The following BACE2 variants were observed in gnomAD, a reference collection of about 807,000 sequenced individuals.
BACE2 encodes 56 kDa aspartic-like protease.
In BACE2, 17 loss-of-function variants were observed where a neutral mutation model predicts 46.2. That is an observed-to-expected ratio of 0.37 (90% CI 0.25 to 0.55). The LOEUF (loss-of-function observed/expected upper bound fraction) is 0.55. Among genes scored for constraint, BACE2 ranks in the 20% least tolerant of loss-of-function variants. BACE2 has a pLI of 0.82. For missense variants in BACE2, 595 were observed against 698.1 expected, an observed-to-expected ratio of 0.85 and a Z score of 1.66; for synonymous variants, 277 against 295.9, an observed-to-expected ratio of 0.94 and a Z score of 0.66.
chr21:41,230,047 T>C (rs1433443288), intron 2 of BACE2: 1 of 152,252 alleles, frequency 6.6e-6, no homozygotes, highest in Non-Finnish European at 1.5e-5. Context: ...TCAAATTCAG[T>C]GTACCTTCCT....
chr21:41,214,495 C>T lies in BACE2; in HGVS notation c.313-11771C>T, dbSNP rs578051775. On this transcript the variant is annotated intron_variant, in intron 1 of 8. Transcript: ENST00000330333. ...CAAGGAAGTCTATGCCAAAGACGAACAGTTTTCATCGTGGGGGCATAGAAT... is the reference window on the plus strand; with the variant it reads ...CAAGGAAGTCTATGCCAAAGACGAATAGTTTTCATCGTGGGGGCATAGAAT... Among the ~76,000 whole-genome samples, 9 of 152,302 alleles carry T rather than the reference C, an allele frequency of 5.9e-5. No individual in the cohort carries two copies. The East Asian group carries it at 1.5e-3, about 26-fold the overall frequency.
At position 41,232,020 on chromosome 21, in the gene BACE2, C is replaced by CT. The variant is rs34868132; in HGVS notation, c.402-5476dup. On this transcript the variant is annotated intron_variant, in intron 2 of 8. Coordinates refer to ENST00000330333, the MANE Select transcript of BACE2 (RefSeq NM_012105.5). ...AATATGAATATGAACTGAGAATTAC[C>CT]TTTTTTTTTTTTTTTTTAACATTAT... Among the ~76,000 whole-genome samples, 1,003 of 140,642 alleles carry CT rather than the reference C, an allele frequency of 7.1e-3. 9 individuals carry two copies. The highest frequency in any genetic ancestry group is 0.016 in the African/African-American group (627 of 38,884). 92.3% of individuals were successfully genotyped at this position (140,642 alleles called of 152,430 possible).
At chr21:41,196,919 T>A (rs1442161359) in intron 1 of BACE2, among the ~76,000 whole-genome samples, 1 of 152,170 alleles carries the variant, frequency 6.6e-6, no homozygotes, top group Admixed American at 6.5e-5. Context: ...GTGGCTTCGG[T>A]TTCCAGGATT....
At chr21:41,246,312 T>C (rs558370935) in intron 6 of BACE2, 1 of 226,340 alleles carries the variant, frequency 4.4e-6, no homozygotes, top group South Asian at 1.5e-4. Flanking sequence ...ACAGTCCCTT[T>C]CTTTGATGTT....
chr21:41,178,601 G>C (rs1156497174), intron 1 of BACE2: 1 of 155,216 alleles, frequency 6.4e-6, no homozygotes, highest in Non-Finnish European at 1.4e-5. Context: ...GCCAAGCTTG[G>C]TGGTGCATGC....
chr21:41,251,273 CAG>C (rs920006892), intron 7 of BACE2, among the ~76,000 whole-genome samples: 1 of 152,192 alleles, frequency 6.6e-6, no homozygotes, highest in Non-Finnish European at 1.5e-5. Flanking sequence ...AAGAACCACA[CAG>C]GGGCTCCTGA....
At chr21:41,269,358 A>T (rs2088412849) in intron 8 of BACE2, among the ~76,000 whole-genome samples, 1 of 152,100 alleles carries the variant, frequency 6.6e-6, no homozygotes, top group Non-Finnish European at 1.5e-5. Flanking sequence ...CTTTGTTGGG[A>T]TATAATTGGT....
intron 2 of BACE2, among the ~76,000 whole-genome samples, chr21:41,233,478 T>A (rs1245045871): frequency 6.6e-6 from 1 of 152,116 alleles, no homozygotes; most frequent in Non-Finnish European, 1.5e-5. Context: ...ATATCCAGAG[T>A]GCTCCCTCTG....
chr21:41,178,916 G>A, intron 1 of BACE2: 1 of 344,444 alleles, frequency 2.9e-6, no homozygotes, highest in Non-Finnish European at 5.4e-6. Context: ...GTGGGAAGGG[G>A]TATTGGTGAA....
At chr21:41,253,189 C>A (rs1987687953) in intron 7 of BACE2, among the ~76,000 whole-genome samples, 1 of 152,108 alleles carries the variant, frequency 6.6e-6, no homozygotes, top group Admixed American at 6.5e-5. Context: ...TGCCTGTAAT[C>A]CCAGCACTTT....
intron 1 of BACE2, among the ~76,000 whole-genome samples, chr21:41,203,624 C>T (rs1250275240): frequency 1.3e-5 from 2 of 152,102 alleles, no homozygotes; most frequent in African/African-American, 4.8e-5. Context: ...CCTCTGGGCC[C>T]AGAGACACCT....
intron 7 of BACE2, among the ~76,000 whole-genome samples, chr21:41,255,745 T>A (rs1395110500): frequency 7.9e-5 from 12 of 152,074 alleles, no homozygotes; most frequent in Admixed American, 1.3e-4. Flanking sequence ...ACTTTTTTTT[T>A]AATTCTCTTG....
intron 1 of BACE2, among the ~76,000 whole-genome samples, chr21:41,223,751 C>A (rs1033347452): frequency 2.0e-5 from 3 of 152,178 alleles, no homozygotes; most frequent in African/African-American, 7.2e-5. Flanking sequence ...ACATCTCAAC[C>A]CATAAAAGAT....
chr21:41,168,969 C>G (rs1256630115), intron 1 of BACE2, among the ~76,000 whole-genome samples: 1 of 146,788 alleles, frequency 6.8e-6, no homozygotes. Context: ...AAAATCACCT[C>G]GTGTTCATAC....
At chr21:41,226,694 G>A (rs1042865298) in intron 2 of BACE2, among the ~76,000 whole-genome samples, 4 of 152,206 alleles carry the variant, frequency 2.6e-5, no homozygotes, top group Non-Finnish European at 5.9e-5. Flanking sequence ...TGCAGTGGAG[G>A]TGGGCTGGAG....
intron 1 of BACE2, chr21:41,185,301 C>T (rs1985330679): frequency 6.6e-6 from 1 of 152,582 alleles, no homozygotes; most frequent in Non-Finnish European, 1.5e-5. Context: ...GGAGAGGGGG[C>T]TAAACAAATG....
At chr21:41,227,156 T>G (rs1272082016) in intron 2 of BACE2, among the ~76,000 whole-genome samples, 1 of 152,238 alleles carries the variant, frequency 6.6e-6, no homozygotes, top group Non-Finnish European at 1.5e-5. Context: ...GTCACAACTA[T>G]TTTTACGATT....
At chr21:41,198,316 C>G (rs1020463846) in intron 1 of BACE2, among the ~76,000 whole-genome samples, 1 of 152,090 alleles carries the variant, frequency 6.6e-6, no homozygotes, top group South Asian at 2.1e-4. Flanking sequence ...TTTTGATGGG[C>G]TAGTTTATCC....
At chr21:41,202,338 A>AG (rs1985990855) in intron 1 of BACE2, among the ~76,000 whole-genome samples, 1 of 152,166 alleles carries the variant, frequency 6.6e-6, no homozygotes, top group African/African-American at 2.4e-5. Flanking sequence ...GAGGATTTCG[A>AG]GGGGGTATGC....
Sources: allele counts gnomAD v4.1 joint callset (sites outside exome capture counted in the v4.1 genomes callset), GRCh38; gene constraint gnomAD v4.1.1; transcripts MANE v1.5; gene names NCBI Gene and HGNC (gene_info 2026-07-23, HGNC 2026-07-21).